Variants in PTTG1IP observed in about 807,000 individuals in gnomAD.
PTTG1IP encodes pituitary tumor-transforming gene 1 protein-interacting protein.
A neutral mutation model predicts 24.4 loss-of-function variants in PTTG1IP; 16 were observed. That is an observed-to-expected ratio of 0.66 (90% CI 0.44 to 1.00). The LOEUF (loss-of-function observed/expected upper bound fraction) is 1.00, where lower values mean the gene tolerates loss of function less well. Ranked by LOEUF, PTTG1IP falls within the 50% of genes least tolerant of loss-of-function variation. PTTG1IP has a pLI of 0.00. For synonymous variants in PTTG1IP, 89 were observed against 96.8 expected (o/e 0.92, Z 0.47); for missense variants, 241 against 245.8 (o/e 0.98, Z 0.13).
intron 2 of PTTG1IP, chr21:44,861,833 C>G (rs1250307316): frequency 1.4e-6 from 1 of 717,512 alleles, no homozygotes; most frequent in Admixed American, 2.0e-5. Context: ...CCTGGCCCAT[C>G]ACAGGCACTC....
At chr21:44,864,393 T>C (rs1470415545) in intron 2 of PTTG1IP, among the ~76,000 whole-genome samples, 1 of 146,806 alleles carries the variant, frequency 6.8e-6, no homozygotes, top group Non-Finnish European at 1.5e-5. Context: ...CACACGTTTT[T>C]GTTTTTGTTT....
chr21:44,868,347 C>T (rs2083558987), intron 1 of PTTG1IP, among the ~76,000 whole-genome samples: 1 of 152,186 alleles, frequency 6.6e-6, no homozygotes, highest in Admixed American at 6.5e-5. Context: ...ACTCCTAGCT[C>T]TGTCTGCTGA....
intron 5 of PTTG1IP, among the ~76,000 whole-genome samples, chr21:44,853,995 G>A (rs1180999517): frequency 6.6e-6 from 1 of 152,192 alleles, no homozygotes; most frequent in African/African-American, 2.4e-5. Context: ...AACTGACAGG[G>A]AGGGGACGTC....
chr21:44,862,303 T>C (rs1601251648), intron 2 of PTTG1IP, among the ~76,000 whole-genome samples: 1 of 152,342 alleles, frequency 6.6e-6, no homozygotes, highest in Non-Finnish European at 1.5e-5. Flanking sequence ...GCGGATCACC[T>C]GAGGTCAGAA....
At chr21:44,863,020 A>G (rs2083504187) in intron 2 of PTTG1IP, among the ~76,000 whole-genome samples, 1 of 151,238 alleles carries the variant, frequency 6.6e-6, no homozygotes, top group South Asian at 2.1e-4. Context: ...TGATCGATGA[A>G]GTAATATGCA....
chr21:44,873,211 G>A (rs2146478023), intron 1 of PTTG1IP, among the ~76,000 whole-genome samples: 1 of 152,374 alleles, frequency 6.6e-6, no homozygotes, highest in Non-Finnish European at 1.5e-5. Context: ...CGCCTGCCGG[G>A]CGAGGGCCAA....
intron 2 of PTTG1IP, among the ~76,000 whole-genome samples, chr21:44,864,806 G>C (rs1182818531): frequency 3.9e-5 from 6 of 152,210 alleles, no homozygotes; most frequent in Non-Finnish European, 7.3e-5. Context: ...AGGCACCCCG[G>C]GGAGTCTCGG....
At chr21:44,851,708 TA>T in intron 5 of PTTG1IP, 81 bp from the exon 6 acceptor site, 3 of 1,475,384 alleles carry the variant, frequency 2.0e-6, no homozygotes, top group Non-Finnish European at 2.7e-6. Flanking sequence ...AACCAAGCTT[TA>T]TAAGAAGATT....
chr21:44,865,285 AAAC>A, intron 2 of PTTG1IP, 107 bp downstream of exon 2: 3 of 1,140,782 alleles, frequency 2.6e-6, no homozygotes, highest in East Asian at 2.4e-5. Context: ...CCCAAATCCC[AAAC>A]AACAGAGCCC....
intron 1 of PTTG1IP, among the ~76,000 whole-genome samples, chr21:44,872,306 G>C (rs1164805169): frequency 1.3e-5 from 2 of 152,218 alleles, no homozygotes; most frequent in Non-Finnish European, 2.9e-5. Flanking sequence ...CTTGGAGGCA[G>C]GTAAGAAGAA....
chr21:44,865,330 A>G, intron 2 of PTTG1IP, 65 bp downstream of exon 2: 1 of 1,525,318 alleles, frequency 6.6e-7, no homozygotes, highest in Non-Finnish European at 9.1e-7. Context: ...CTGGACCTAG[A>G]GAAAGCCCGT....
At chr21:44,865,159 G>A (rs2838718) in intron 2 of PTTG1IP, among the ~76,000 whole-genome samples, 55,039 of 152,198 alleles carry the variant, frequency 0.36, 12,930 homozygotes, top group African/African-American at 0.67. Flanking sequence ...CATCTGCATA[G>A]GAGTGAAATC....
chr21:44,869,481 T>C (rs2083567531), intron 1 of PTTG1IP, among the ~76,000 whole-genome samples: 2 of 152,170 alleles, frequency 1.3e-5, no homozygotes, highest in South Asian at 4.1e-4. Context: ...AAAATATAAG[T>C]AGAGATAGAG....
Position 44,851,204 on chromosome 21 carries a change from G to T in PTTG1IP, c.*377C>A. Reference sequence around the variant, plus strand: ...CCGACTTCCCTGTGTTGCGTGTGAAGCTTGTTAGTGGACAGAGAGAAACGC... The same window carrying T: ...CCGACTTCCCTGTGTTGCGTGTGAATCTTGTTAGTGGACAGAGAGAAACGC... On this transcript the variant is annotated 3_prime_UTR_variant, in exon 6 of 6. Transcript: ENST00000330938. The T allele has an allele frequency of 2.3e-6, 2 of 885,884 alleles. No homozygotes were observed. The highest frequency in any genetic ancestry group is 5.4e-5 in the East Asian group (2 of 37,282). The allele number at this position is 885,884 out of a possible 1,614,324, so 54.9% of individuals were successfully genotyped here.
rs946363957 is a variant in PTTG1IP, at chr21:44,873,649, G to A, written c.-33C>T. 4.4e-6 allele frequency: 6 copies of A among 1,354,810 alleles called. No homozygotes were observed. The highest frequency in any genetic ancestry group is 3.6e-5 in the Admixed American group (1 of 27,866). 83.9% of individuals were successfully genotyped at this position (1,354,810 alleles called of 1,614,324 possible). A position where few individuals can be genotyped will look rare whatever the true frequency, so the allele number is the denominator to read the frequency against. ...CGGTCGCTCTATCAGTCAGTGGAGC[G>A]TTACAACTCCGACTCCAGCACAAGC... On this transcript the variant is annotated 5_prime_UTR_variant, in exon 1 of 6. In the 5' UTR this introduces an upstream ATG that the reference lacks. Coordinates refer to ENST00000330938, the MANE Select transcript of PTTG1IP (RefSeq NM_004339.4).
At position 44,856,235 on chromosome 21, in the gene PTTG1IP, G is replaced by A; in HGVS notation, c.407C>T (p.Ala136Val). ...CCGCCTCTCCTCCCGCTCACGCATG[G>A]CCTTCTCCTCACTCCTGTCCGGCTT... is the stretch of plus-strand genomic sequence containing the variant. ...SRKPDRSEEK[A>V]MREREERRIR... The change falls in exon 4 of 6, where the codon GCC (alanine) becomes GTC (valine). Residue 136 changes from alanine to valine, a missense_variant. Ala to Val is a moderately conservative substitution (Grantham distance 64, BLOSUM62 0). Coordinates refer to ENST00000330938, the MANE Select transcript of PTTG1IP (RefSeq NM_004339.4). The A allele has an allele frequency of 3.7e-6, 6 of 1,614,018 alleles. No homozygotes were observed. Among genetic ancestry groups the A allele is most frequent in the South Asian group, 1.1e-5 (1 of 91,084 alleles).
chr21:44,869,980 C>T (rs1301572296), intron 1 of PTTG1IP, among the ~76,000 whole-genome samples: 1 of 152,178 alleles, frequency 6.6e-6, no homozygotes, highest in Non-Finnish European at 1.5e-5. Context: ...CCGTCAACTC[C>T]ATCTATCCCC....
chr21:44,852,896 T>C (rs369330801), intron 5 of PTTG1IP, among the ~76,000 whole-genome samples: 321 of 152,316 alleles, frequency 2.1e-3, no homozygotes, highest in African/African-American at 7.4e-3. Flanking sequence ...TTCTTCTAAC[T>C]AGCCGAGGCT....
chr21:44,872,035 G>A (rs1006171338), intron 1 of PTTG1IP, among the ~76,000 whole-genome samples: 3 of 152,184 alleles, frequency 2.0e-5, no homozygotes, highest in African/African-American at 7.2e-5. Context: ...AGGAATCACA[G>A]TCAAACAAAA....
Sources: allele counts gnomAD v4.1 joint callset (sites outside exome capture counted in the v4.1 genomes callset), GRCh38; gene constraint gnomAD v4.1.1; transcripts MANE v1.5; gene names NCBI Gene and HGNC (gene_info 2026-07-23, HGNC 2026-07-21).